CADPS: variants seen among roughly 807,000 people sequenced by gnomAD.
CADPS encodes calcium dependent secretion activator.
In CADPS, 57 loss-of-function variants were observed where a neutral mutation model predicts 167.3. That is an observed-to-expected ratio of 0.34 (90% CI 0.28 to 0.42). CADPS has a LOEUF of 0.42. CADPS is among the 20% of genes least tolerant of loss of function. CADPS has a pLI of 1.00. For synonymous variants in CADPS, 676 were observed against 635.3 expected, an observed-to-expected ratio of 1.06 and a Z score of -0.96; for missense variants, 1,414 against 1,738.1, an observed-to-expected ratio of 0.81 and a Z score of 3.32.
intron 5 of CADPS, among the ~76,000 whole-genome samples, chr3:62,647,925 T>A (rs1334179833): frequency 6.6e-6 from 1 of 152,204 alleles, no homozygotes; most frequent in Non-Finnish European, 1.5e-5. Context: ...CCTGTTGCTT[T>A]CTGTTAGCAC....
chr3:62,576,608 T>C (rs2082311811), intron 8 of CADPS, among the ~76,000 whole-genome samples: 1 of 135,456 alleles, frequency 7.4e-6, no homozygotes, highest in Non-Finnish European at 1.6e-5. Context: ...CTGGCCAACA[T>C]GGTGAAGACC....
intron 1 of CADPS, among the ~76,000 whole-genome samples, chr3:62,864,475 G>C (rs1193419685): frequency 6.6e-6 from 1 of 152,144 alleles, no homozygotes; most frequent in Non-Finnish European, 1.5e-5. Flanking sequence ...GGTGTCATCA[G>C]AGTAGGCTCC....
chr3:62,764,509 G>T (rs2086349198), intron 2 of CADPS, among the ~76,000 whole-genome samples: 1 of 152,148 alleles, frequency 6.6e-6, no homozygotes, highest in South Asian at 2.1e-4. Flanking sequence ...GTCTGTGGTT[G>T]GTCCCAGCGA....
intron 28 of CADPS, among the ~76,000 whole-genome samples, chr3:62,431,395 C>A (rs949395609): frequency 3.9e-5 from 6 of 152,040 alleles, no homozygotes; most frequent in Non-Finnish European, 2.9e-5. Flanking sequence ...AGTTTAGCCC[C>A]CCCTCAATCT....
At chr3:62,651,461 A>G (rs1420319997) in intron 4 of CADPS, among the ~76,000 whole-genome samples, 1 of 152,128 alleles carries the variant, frequency 6.6e-6, no homozygotes, top group East Asian at 1.9e-4. Context: ...TTTGTTTTTA[A>G]GTGAGGGAAA....
At chr3:62,636,741 T>C (rs2066388571) in intron 6 of CADPS, among the ~76,000 whole-genome samples, 1 of 152,144 alleles carries the variant, frequency 6.6e-6, no homozygotes, top group African/African-American at 2.4e-5. Flanking sequence ...AATAACAGGC[T>C]TGTGGATACC....
intron 6 of CADPS, among the ~76,000 whole-genome samples, chr3:62,622,141 G>A (rs6779128): frequency 2.9e-4 from 44 of 152,148 alleles, no homozygotes; most frequent in African/African-American, 9.4e-4. Context: ...GGTTTGGCCC[G>A]CAGCTGGTCT....
At chr3:62,623,506 T>C (rs1485074072) in intron 6 of CADPS, among the ~76,000 whole-genome samples, 3 of 152,196 alleles carry the variant, frequency 2.0e-5, no homozygotes, top group African/African-American at 7.2e-5. Flanking sequence ...TCAGGAAATA[T>C]ACTACACCGG....
At chr3:62,733,106 A>C (rs1213305887) in intron 3 of CADPS, among the ~76,000 whole-genome samples, 1 of 152,250 alleles carries the variant, frequency 6.6e-6, no homozygotes, top group Non-Finnish European at 1.5e-5. Flanking sequence ...AAGATTAAGC[A>C]TACTTCCAAT....
At chr3:62,512,812 C>A (rs1177757028) in intron 16 of CADPS, 44 bp from the exon 17 acceptor site, 2 of 1,563,506 alleles carry the variant, frequency 1.3e-6, no homozygotes, top group Non-Finnish European at 8.8e-7. Context: ...GAGAGAGAAA[C>A]AAGAACACAT....
intron 1 of CADPS, among the ~76,000 whole-genome samples, chr3:62,785,747 A>G (rs564030933): frequency 6.6e-6 from 1 of 152,310 alleles, no homozygotes; most frequent in African/African-American, 2.4e-5. Context: ...AGCCTTTCCC[A>G]GTGCAAATAG....
intron 3 of CADPS, among the ~76,000 whole-genome samples, chr3:62,680,710 G>A (rs939940529): frequency 2.0e-5 from 3 of 151,932 alleles, no homozygotes; most frequent in Admixed American, 2.0e-4. Context: ...CACTGTCCAT[G>A]AAGATGATTT....
chr3:62,480,595 C>G (rs779481271), intron 22 of CADPS, among the ~76,000 whole-genome samples: 1 of 152,150 alleles, frequency 6.6e-6, no homozygotes, highest in Non-Finnish European at 1.5e-5. Context: ...TGGATTACTG[C>G]AAGAATAAAA....
rs17066964 is a variant in CADPS at position 62,709,537 on chromosome 3, C to G, written c.888+43904G>C. 3.8e-3 allele frequency among the ~76,000 whole-genome samples: 586 copies of G among 152,248 alleles called. 4 individuals carry two copies. The highest frequency in any genetic ancestry group is 0.013 in the African/African-American group (527 of 41,508). On this transcript the variant is annotated intron_variant, in intron 3 of 29. Coordinates refer to ENST00000383710, the MANE Select transcript of CADPS (RefSeq NM_003716.4). ...ACTGTATACAAAGCACTTGGCCCAG[C>G]AACTCCTACCTTCAGTAGCTATTTG... is the stretch of plus-strand genomic sequence containing the variant.
intron 1 of CADPS, among the ~76,000 whole-genome samples, chr3:62,782,038 T>A (rs2091728280): frequency 6.6e-6 from 1 of 152,170 alleles, no homozygotes; most frequent in African/African-American, 2.4e-5. Flanking sequence ...TCAGTTGACA[T>A]CTGCTCTCCT....
At chr3:62,707,502 A>G (rs2082548843) in intron 3 of CADPS, among the ~76,000 whole-genome samples, 1 of 152,138 alleles carries the variant, frequency 6.6e-6, no homozygotes. Context: ...TTCTGAATGA[A>G]TGAATCAAAA....
At chr3:62,734,051 G>T (rs917295946) in intron 3 of CADPS, among the ~76,000 whole-genome samples, 1 of 152,144 alleles carries the variant, frequency 6.6e-6, no homozygotes, top group Admixed American at 6.6e-5. Flanking sequence ...TGGACATTTA[G>T]GTTGGTTCCA....
intron 28 of CADPS, among the ~76,000 whole-genome samples, chr3:62,410,716 GTAT>G (rs2048804645): frequency 6.6e-6 from 1 of 152,076 alleles, no homozygotes; most frequent in South Asian, 2.1e-4. Context: ...TAAGTACTGG[GTAT>G]TATTATCTGA....
At chr3:62,755,407 G>A (rs545635073) in intron 2 of CADPS, among the ~76,000 whole-genome samples, 198 of 152,266 alleles carry the variant, frequency 1.3e-3, no homozygotes, top group South Asian at 9.1e-3. Context: ...TCATATTCAC[G>A]GAGAGGAAGC....
Sources: gnomAD v4.1 joint callset for allele counts (sites outside exome capture counted in the v4.1 genomes callset) on GRCh38, gnomAD v4.1.1 for gene constraint, MANE v1.5 for transcripts, NCBI Gene and HGNC (gene_info 2026-07-23, HGNC 2026-07-21) for gene names.